Variants in API5 observed in about 807,000 individuals in gnomAD.
API5 encodes apoptosis inhibitor 5.
In API5, 6 loss-of-function variants were observed where a neutral mutation model predicts 71.9. The ratio of observed to expected loss-of-function variants is 0.08; its 90% CI spans 0.05 to 0.16. The LOEUF (loss-of-function observed/expected upper bound fraction) is 0.16. Among genes scored for constraint, API5 ranks in the 10% least tolerant of loss-of-function variants. The pLI, the probability that API5 is intolerant of heterozygous loss-of-function variation, is 1.00. For missense variants in API5, 332 were observed against 612.8 expected (o/e 0.54, Z 4.84); for synonymous variants, 189 against 221.3 (o/e 0.85, Z 1.30).
intron 5 of API5, 67 bp from the exon 6 acceptor site, chr11:43,323,363 C>A: frequency 7.5e-7 from 1 of 1,336,454 alleles, no homozygotes. Flanking sequence ...TAGCTATTCT[C>A]TTTCAGTGTT....
rs1854849962 is a variant in API5 at position 43,320,712 on chromosome 11, CAG to C, written c.232-106_232-105del. ...CACCACTGCACTCCAACCTGGGCAA[CAG>C]AGCAATACCTTGTCTTTAAAAAAAA... On this transcript the variant is annotated intron_variant, in intron 2 of 13. Transcript: ENST00000531273. The C allele has an allele frequency of 3.2e-6, 3 of 926,666 alleles. No individual in the cohort carries two copies. The Admixed American group carries it at 7.1e-5, about 22-fold the overall frequency. The allele number at this position is 926,666 out of a possible 1,614,324, so 57.4% of individuals were successfully genotyped here. A position where few individuals can be genotyped will look rare whatever the true frequency, so the allele number is the denominator to read the frequency against.
Position 43,318,470 on chromosome 11 carries a change from C to T in API5, c.70-170C>T, listed in dbSNP as rs569287991. The T allele has an allele frequency of 2.0e-5, 30 of 1,535,896 alleles. No homozygotes were observed. In the East Asian group the frequency reaches 4.2e-4, roughly 21 times the overall value. ...AAATGAAACAAAGATGGAGGGAGAA[C>T]GGAATTGGGAAGGTAAGTGTCAGTT... On this transcript the variant is annotated intron_variant, in intron 1 of 13. Transcript: ENST00000531273.
chr11:43,326,809 C>T (rs1855092272), intron 7 of API5, among the ~76,000 whole-genome samples, 198 bp downstream of exon 7: 1 of 152,196 alleles, frequency 6.6e-6, no homozygotes, highest in South Asian at 2.1e-4. Context: ...AATGGGAAAG[C>T]CTTACCTGTA....
At chr11:43,321,137 A>G (rs1181631876) in intron 3 of API5, among the ~76,000 whole-genome samples, 1 of 152,184 alleles carries the variant, frequency 6.6e-6, no homozygotes, top group East Asian at 1.9e-4. Context: ...TGTAATGACT[A>G]GATTCTTTTG....
chr11:43,326,687 T>C, intron 7 of API5, 76 bp downstream of exon 7: 1 of 830,564 alleles, frequency 1.2e-6, no homozygotes, highest in Non-Finnish European at 2.0e-6. Context: ...CTAACTTAGA[T>C]CCGATTTCTA....
intron 5 of API5, among the ~76,000 whole-genome samples, chr11:43,323,148 C>T (rs1174380337): frequency 5.9e-5 from 9 of 151,720 alleles, no homozygotes; most frequent in African/African-American, 1.9e-4. Flanking sequence ...TTTAATGCCA[C>T]ATATACACTG....
chr11:43,344,190 T>G lies in API5; in HGVS notation c.*1680T>G, dbSNP rs1233675050. 6.5e-6 allele frequency: 1 copy of G among 152,676 alleles called. No individual in the cohort carries two copies. The highest frequency in any genetic ancestry group is 1.5e-5 in the Non-Finnish European group (1 of 68,042). The allele number at this position is 152,676 out of a possible 1,614,324, so 9.5% of individuals were successfully genotyped here. On this transcript the variant is annotated 3_prime_UTR_variant, in exon 14 of 14. Coordinates refer to ENST00000531273, the MANE Select transcript of API5 (RefSeq NM_001142930.2). Reference sequence around the variant, plus strand: ...AGATCAGCCAGTGGCCCAAAGCCATTTCAAGTACAGAAATTATAGAGACTA... The same window carrying G: ...AGATCAGCCAGTGGCCCAAAGCCATGTCAAGTACAGAAATTATAGAGACTA...
chr11:43,329,651 A>G (rs1192250330), intron 9 of API5, among the ~76,000 whole-genome samples: 1 of 152,258 alleles, frequency 6.6e-6, no homozygotes, highest in Non-Finnish European at 1.5e-5. Flanking sequence ...GAGAAGCAGC[A>G]CTGGAGAAGT....
chr11:43,328,155 T>G (rs1474299230), intron 8 of API5, among the ~76,000 whole-genome samples: 1 of 152,198 alleles, frequency 6.6e-6, no homozygotes, highest in African/African-American at 2.4e-5. Context: ...AACACAGTGA[T>G]AAGCATTAGG....
chr11:43,340,110 G>A (rs1483276434), intron 13 of API5: 2 of 196,590 alleles, frequency 1.0e-5, no homozygotes, highest in African/African-American at 4.8e-5. Context: ...TACAAAATTA[G>A]TATACAAAAA....
At chr11:43,337,247 A>G (rs1855467221) in intron 13 of API5, among the ~76,000 whole-genome samples, 1 of 152,104 alleles carries the variant, frequency 6.6e-6, no homozygotes, top group Non-Finnish European at 1.5e-5. Context: ...GGATTGCTGA[A>G]GCCCAGGAGG....
chr11:43,332,599 TC>T (rs1855293726), intron 11 of API5, among the ~76,000 whole-genome samples: 1 of 152,082 alleles, frequency 6.6e-6, no homozygotes, highest in Non-Finnish European at 1.5e-5. Flanking sequence ...GGAGTTTCCA[TC>T]CCTATGGAGT....
At chr11:43,336,025 T>G in intron 13 of API5, 31 bp downstream of exon 13, 2 of 1,609,206 alleles carry the variant, frequency 1.2e-6, no homozygotes, top group Non-Finnish European at 1.7e-6. Flanking sequence ...ACAAGGAATA[T>G]GAGAGATTAG....
chr11:43,313,816 C>T (rs1476152858), intron 1 of API5, among the ~76,000 whole-genome samples: 2 of 152,058 alleles, frequency 1.3e-5, no homozygotes, highest in Non-Finnish European at 2.9e-5. Context: ...CTGCCAGGCA[C>T]GGTGGCTCAC....
intron 1 of API5, among the ~76,000 whole-genome samples, chr11:43,317,746 C>T (rs965366628): frequency 2.6e-4 from 40 of 152,328 alleles, no homozygotes; most frequent in African/African-American, 9.1e-4. Context: ...GGTGCGATCT[C>T]AGCTCAGTGC....
chr11:43,320,102 G>T (rs1046981985), intron 2 of API5, among the ~76,000 whole-genome samples: 1 of 149,338 alleles, frequency 6.7e-6, no homozygotes, highest in African/African-American at 2.5e-5. Flanking sequence ...CTGGAGTGCG[G>T]TGGTGCAATC....
At chr11:43,328,682 T>A in intron 8 of API5, 30 bp from the exon 9 acceptor site, 2 of 1,589,912 alleles carry the variant, frequency 1.3e-6, no homozygotes, top group Non-Finnish European at 1.7e-6. Context: ...GTAGAACAGA[T>A]TGCAAAATCT....
At chr11:43,324,061 A>G (rs994727198) in intron 6 of API5, among the ~76,000 whole-genome samples, 21 of 152,090 alleles carry the variant, frequency 1.4e-4, no homozygotes, top group African/African-American at 4.8e-4. Flanking sequence ...CCTGTCACTC[A>G]TGCTGGAGTG....
chr11:43,340,983 A>G (rs1010318717), intron 13 of API5, among the ~76,000 whole-genome samples: 1 of 152,194 alleles, frequency 6.6e-6, no homozygotes, highest in African/African-American at 2.4e-5. Flanking sequence ...CAACAGTGAA[A>G]AGACAGCTTA....
Sources: gnomAD v4.1 joint callset for allele counts (sites outside exome capture counted in the v4.1 genomes callset) on GRCh38, gnomAD v4.1.1 for gene constraint, MANE v1.5 for transcripts, NCBI Gene and HGNC (gene_info 2026-07-23, HGNC 2026-07-21) for gene names.